The following GUCY1A2 variants were observed in gnomAD, a reference collection of about 807,000 sequenced individuals.
The protein encoded by GUCY1A2 is guanylate cyclase soluble subunit alpha-2.
GUCY1A2 carries 27 observed loss-of-function variants against 63.5 expected under a neutral mutation model. That is an observed-to-expected ratio of 0.43 (90% CI 0.31 to 0.59). The LOEUF (loss-of-function observed/expected upper bound fraction) is 0.59, where lower values mean the gene tolerates loss of function less well. GUCY1A2 is among the 20% of genes least tolerant of loss of function. GUCY1A2 has a pLI of 0.11. For synonymous variants in GUCY1A2, 364 were observed against 343.5 expected, an observed-to-expected ratio of 1.06 and a Z score of -0.66; for missense variants, 768 against 913.3, an observed-to-expected ratio of 0.84 and a Z score of 2.05.
At chr11:106,827,739 G>C in intron 4 of GUCY1A2, 1 of 1,532,124 alleles carries the variant, frequency 6.5e-7, no homozygotes, top group Non-Finnish European at 9.0e-7. Context: ...CTTGAAATTT[G>C]TAACTGCTTT....
intron 2 of GUCY1A2, among the ~76,000 whole-genome samples, chr11:106,979,771 G>C (rs915458646): frequency 6.6e-6 from 1 of 152,138 alleles, no homozygotes; most frequent in African/African-American, 2.4e-5. Flanking sequence ...TAGCCAAGAA[G>C]ACCAGAGCTC....
intron 5 of GUCY1A2, among the ~76,000 whole-genome samples, chr11:106,781,197 T>C (rs1018259591): frequency 1.3e-5 from 2 of 152,014 alleles, no homozygotes; most frequent in African/African-American, 4.8e-5. Flanking sequence ...TGTTTTTATA[T>C]AGTTTAAATA....
intron 4 of GUCY1A2, among the ~76,000 whole-genome samples, chr11:106,895,130 T>C (rs1482620578): frequency 1.3e-5 from 2 of 152,142 alleles, no homozygotes; most frequent in African/African-American, 4.8e-5. Flanking sequence ...TGCCCACAAA[T>C]TTGATAACCT....
intron 4 of GUCY1A2, among the ~76,000 whole-genome samples, chr11:106,853,722 T>C (rs1859387724): frequency 6.6e-6 from 1 of 152,212 alleles, no homozygotes; most frequent in Non-Finnish European, 1.5e-5. Context: ...TTTCTCATTC[T>C]TGTGTCCTTA....
At chr11:106,843,478 C>T (rs923775872) in intron 4 of GUCY1A2, among the ~76,000 whole-genome samples, 10 of 151,470 alleles carry the variant, frequency 6.6e-5, no homozygotes, top group African/African-American at 2.2e-4. Flanking sequence ...CCTGTAGAGA[C>T]GTATTAGATA....
intron 4 of GUCY1A2, among the ~76,000 whole-genome samples, chr11:106,939,079 G>A (rs1860715982): frequency 6.6e-6 from 1 of 152,164 alleles, no homozygotes; most frequent in African/African-American, 2.4e-5. Context: ...TTTAGCATAT[G>A]TATTTAAAGA....
chr11:107,000,016 T>C (rs1378530), intron 1 of GUCY1A2, among the ~76,000 whole-genome samples: 65,847 of 152,026 alleles, frequency 0.43, 14,601 homozygotes, highest in Admixed American at 0.53. Flanking sequence ...AGAAAATCAG[T>C]AGGCAGCAGC....
At chr11:106,753,960 C>T (rs1405423766) in intron 6 of GUCY1A2, among the ~76,000 whole-genome samples, 1 of 152,146 alleles carries the variant, frequency 6.6e-6, no homozygotes, top group East Asian at 1.9e-4. Flanking sequence ...TGGACATTTT[C>T]ACGATATTGA....
intron 4 of GUCY1A2, among the ~76,000 whole-genome samples, chr11:106,928,053 T>C (rs776533033): frequency 6.8e-5 from 8 of 118,452 alleles, no homozygotes; most frequent in Non-Finnish European, 1.3e-4. Flanking sequence ...CTCCTGTTTA[T>C]GGCAATTCTA....
chr11:106,840,197 A>G (rs149963102), intron 4 of GUCY1A2, among the ~76,000 whole-genome samples: 1 of 152,062 alleles, frequency 6.6e-6, no homozygotes, highest in African/African-American at 2.4e-5. Flanking sequence ...TGTTATTGGA[A>G]GAAAAGAAGC....
intron 4 of GUCY1A2, among the ~76,000 whole-genome samples, chr11:106,882,346 C>A (rs1859835867): frequency 6.6e-6 from 1 of 151,940 alleles, no homozygotes; most frequent in Non-Finnish European, 1.5e-5. Context: ...TTACATGAAT[C>A]TAATTATTCA....
At chr11:106,977,874 A>G (rs1003618631) in intron 3 of GUCY1A2, among the ~76,000 whole-genome samples, 1 of 152,126 alleles carries the variant, frequency 6.6e-6, no homozygotes, top group African/African-American at 2.4e-5. Context: ...TCCAAAAAGA[A>G]CTTAAAGAGA....
chr11:106,806,324 A>C (rs2135422034), intron 5 of GUCY1A2, among the ~76,000 whole-genome samples: 1 of 152,320 alleles, frequency 6.6e-6, no homozygotes. Context: ...GTCAAGTTAA[A>C]GTGCTTAAAG....
chr11:106,987,012 T>C (rs1421584233), intron 1 of GUCY1A2, among the ~76,000 whole-genome samples: 1 of 152,158 alleles, frequency 6.6e-6, no homozygotes, highest in Non-Finnish European at 1.5e-5. Context: ...ACCAAGATCC[T>C]AGAACCTAGA....
intron 4 of GUCY1A2, among the ~76,000 whole-genome samples, chr11:106,837,361 T>C (rs2135440787): frequency 6.6e-6 from 1 of 152,168 alleles, no homozygotes; most frequent in Non-Finnish European, 1.5e-5. Flanking sequence ...TTCCATGGTG[T>C]ATATGTACCA....
intron 6 of GUCY1A2, among the ~76,000 whole-genome samples, chr11:106,748,808 ATTACT>A (rs1015127950): frequency 9.9e-5 from 15 of 150,900 alleles, no homozygotes; most frequent in African/African-American, 1.9e-4. Flanking sequence ...GGATTTAAAA[ATTACT>A]TTAGGGAGTT....
At chr11:106,741,611 T>C (rs915968226) in intron 6 of GUCY1A2, among the ~76,000 whole-genome samples, 83 of 152,310 alleles carry the variant, frequency 5.4e-4, no homozygotes, top group African/African-American at 1.9e-3. Flanking sequence ...AAATAAAAGA[T>C]GATAAGTTTT....
At chr11:106,849,506 T>C (rs1247977542) in intron 4 of GUCY1A2, among the ~76,000 whole-genome samples, 1 of 151,448 alleles carries the variant, frequency 6.6e-6, no homozygotes, top group Non-Finnish European at 1.5e-5. Context: ...AGCTAGTACA[T>C]AGTTATTTTG....
At chr11:106,764,772 C>G (rs1311912172) in intron 6 of GUCY1A2, among the ~76,000 whole-genome samples, 1 of 151,972 alleles carries the variant, frequency 6.6e-6, no homozygotes, top group African/African-American at 2.4e-5. Flanking sequence ...TAATAAAATT[C>G]TACTCTGGGC....
Sources: allele counts gnomAD v4.1 joint callset (sites outside exome capture counted in the v4.1 genomes callset), GRCh38; gene constraint gnomAD v4.1.1; transcripts MANE v1.5; gene names NCBI Gene and HGNC (gene_info 2026-07-23, HGNC 2026-07-21).